The following TAS2R1 variants were observed in gnomAD, a reference collection of about 807,000 sequenced individuals.
The protein encoded by TAS2R1 is taste 2 receptor member 1, also known as taste receptor type 2 member 1.
For synonymous variants in TAS2R1, 141 were observed against 134.2 expected, an observed-to-expected ratio of 1.05 and a Z score of -0.35; for missense variants, 370 against 353.4, an observed-to-expected ratio of 1.05 and a Z score of -0.38.
chr5:9,706,492 A>G (rs1462039663), intron 1 of TAS2R1, among the ~76,000 whole-genome samples: 1 of 152,234 alleles, frequency 6.6e-6, no homozygotes, highest in Non-Finnish European at 1.5e-5. Flanking sequence ...TTCTGAGCAA[A>G]ACTCAAAAGC....
At chr5:9,709,354 C>T (rs1280710198) in intron 1 of TAS2R1, among the ~76,000 whole-genome samples, 5 of 152,096 alleles carry the variant, frequency 3.3e-5, no homozygotes, top group Non-Finnish European at 5.9e-5. Flanking sequence ...TTCCCCAAAT[C>T]ATCATTCTAC....
At chr5:9,898,390 T>G in the TAS2R1 span, among the ~76,000 whole-genome samples, 1 of 152,142 alleles carries the variant, frequency 6.6e-6, no homozygotes, top group African/African-American at 2.4e-5. Flanking sequence ...AGGAAATTCT[T>G]TAAGAGAGAG....
At chr5:9,693,997 T>C (rs1741307284) in intron 1 of TAS2R1, among the ~76,000 whole-genome samples, 1 of 152,186 alleles carries the variant, frequency 6.6e-6, no homozygotes, top group Admixed American at 6.5e-5. Context: ...CAAAAGTAAA[T>C]TGAGAAGAAC....
At chr5:9,710,989 T>C (rs564210413) in intron 1 of TAS2R1, among the ~76,000 whole-genome samples, 195 of 140,674 alleles carry the variant, frequency 1.4e-3, no homozygotes, top group African/African-American at 4.9e-3. Context: ...TATATATTTA[T>C]ATATATTTAA....
the TAS2R1 span, among the ~76,000 whole-genome samples, chr5:9,785,553 TTTGAA>T: frequency 1.3e-5 from 2 of 152,346 alleles, no homozygotes; most frequent in African/African-American, 4.8e-5. Flanking sequence ...TATGAGTATG[TTTGAA>T]TTGAAGCTGA....
chr5:9,673,535 TA>T (rs1740811157), intron 1 of TAS2R1, among the ~76,000 whole-genome samples: 1 of 151,988 alleles, frequency 6.6e-6, no homozygotes, highest in South Asian at 2.1e-4. Context: ...CACTATTTTT[TA>T]TTTATAAATA....
chr5:9,782,709 C>T, the TAS2R1 span, among the ~76,000 whole-genome samples: 1 of 152,164 alleles, frequency 6.6e-6, no homozygotes, highest in African/African-American at 2.4e-5. Context: ...TCATCTGTAG[C>T]TTAAAAACAC....
chr5:9,865,940 C>A, the TAS2R1 span, among the ~76,000 whole-genome samples: 1 of 152,320 alleles, frequency 6.6e-6, no homozygotes, highest in Non-Finnish European at 1.5e-5. Context: ...AATGTCCTCC[C>A]AAAATCTTGA....
chr5:9,783,438 C>G, the TAS2R1 span, among the ~76,000 whole-genome samples: 8 of 152,232 alleles, frequency 5.3e-5, no homozygotes, highest in Non-Finnish European at 1.2e-4. Context: ...CCTGCAGAAC[C>G]AGATGGCTTC....
At chr5:9,865,556 T>C in the TAS2R1 span, among the ~76,000 whole-genome samples, 3 of 152,258 alleles carry the variant, frequency 2.0e-5, no homozygotes, top group African/African-American at 7.2e-5. Context: ...AAGAACTCCC[T>C]TTGCTGTTTT....
the TAS2R1 span, among the ~76,000 whole-genome samples, chr5:9,902,270 C>T: frequency 6.6e-6 from 1 of 152,112 alleles, no homozygotes; most frequent in Non-Finnish European, 1.5e-5. Flanking sequence ...CATACATGAA[C>T]TGAGTGGGTC....
chr5:9,720,712 C>T, the TAS2R1 span, among the ~76,000 whole-genome samples: 1 of 152,158 alleles, frequency 6.6e-6, no homozygotes, highest in Admixed American at 6.5e-5. Context: ...GAGCAGAGTT[C>T]CTCAAGGTGG....
At chr5:9,706,564 A>G (rs894814853) in intron 1 of TAS2R1, among the ~76,000 whole-genome samples, 7 of 152,348 alleles carry the variant, frequency 4.6e-5, no homozygotes, top group African/African-American at 1.4e-4. Flanking sequence ...AAACAATGAA[A>G]GGTTTTAGGG....
chr5:9,690,620 A>G (rs1032674385), intron 1 of TAS2R1, among the ~76,000 whole-genome samples: 6 of 151,560 alleles, frequency 4.0e-5, no homozygotes, highest in Non-Finnish European at 7.4e-5. Flanking sequence ...AGAGGGGGGG[A>G]AAAAAGTGTG....
chr5:9,669,835 A>G (rs560906439), intron 1 of TAS2R1, among the ~76,000 whole-genome samples: 2 of 152,286 alleles, frequency 1.3e-5, no homozygotes, highest in South Asian at 4.1e-4. Context: ...AACAACTAAC[A>G]TCACAGCTAG....
At chr5:9,803,425 C>G in the TAS2R1 span, among the ~76,000 whole-genome samples, 1 of 152,138 alleles carries the variant, frequency 6.6e-6, no homozygotes, top group Non-Finnish European at 1.5e-5. Flanking sequence ...AGTTCATCAC[C>G]TAGGCACATA....
chr5:9,780,110 A>G, the TAS2R1 span, among the ~76,000 whole-genome samples: 1 of 152,060 alleles, frequency 6.6e-6, no homozygotes, highest in Non-Finnish European at 1.5e-5. Flanking sequence ...CTACAAGATC[A>G]TTTCCTTTGA....
chr5:9,801,781 C>T, the TAS2R1 span, among the ~76,000 whole-genome samples: 6,293 of 152,160 alleles, frequency 0.041, 410 homozygotes, highest in East Asian at 0.27. Context: ...TTCCTGGCAA[C>T]GTGCATGACA....
intron 1 of TAS2R1, among the ~76,000 whole-genome samples, chr5:9,679,532 T>A (rs1406145532): frequency 6.6e-6 from 1 of 152,164 alleles, no homozygotes; most frequent in Non-Finnish European, 1.5e-5. Context: ...GAACTGCCCA[T>A]AAACACTGTA....
Sources: gnomAD v4.1 joint callset for allele counts (sites outside exome capture counted in the v4.1 genomes callset) on GRCh38, gnomAD v4.1.1 for gene constraint, MANE v1.5 for transcripts, NCBI Gene and HGNC (gene_info 2026-07-23, HGNC 2026-07-21) for gene names.